Variants in ZNF383 observed in about 807,000 individuals in gnomAD.
ZNF383 encodes zinc finger protein 383.
ZNF383 carries 32 observed loss-of-function variants against 44.2 expected under a neutral mutation model. The observed-to-expected ratio is 0.72, with a 90% CI of 0.55 to 0.97. ZNF383 has a LOEUF of 0.97. ZNF383 is among the 50% of genes least tolerant of loss of function. The pLI, the probability that ZNF383 is intolerant of heterozygous loss-of-function variation, is 0.00. For missense variants in ZNF383, 487 were observed against 562.5 expected, an observed-to-expected ratio of 0.87 and a Z score of 1.36; for synonymous variants, 155 against 186.2, an observed-to-expected ratio of 0.83 and a Z score of 1.36.
intron 1 of ZNF383, among the ~76,000 whole-genome samples, chr19:37,221,780 T>TA (rs1319961134): frequency 9.5e-6 from 1 of 105,554 alleles, no homozygotes; most frequent in Non-Finnish European, 2.0e-5. Flanking sequence ...CCGTCTCTAC[T>TA]TAAAAAAAAA....
chr19:37,234,451 C>T (rs569744090), intron 3 of ZNF383, among the ~76,000 whole-genome samples: 3 of 152,234 alleles, frequency 2.0e-5, no homozygotes, highest in South Asian at 2.1e-4. Flanking sequence ...TGCAGTGGCG[C>T]GATCTCGGCT....
chr19:37,233,967 C>T (rs559242386), intron 3 of ZNF383, among the ~76,000 whole-genome samples: 12 of 152,034 alleles, frequency 7.9e-5, no homozygotes, highest in African/African-American at 2.7e-4. Flanking sequence ...CAGGTTCAAG[C>T]GATTCTCCTG....
At chr19:37,236,745 T>G (rs1973818921) in intron 5 of ZNF383, among the ~76,000 whole-genome samples, 1 of 151,968 alleles carries the variant, frequency 6.6e-6, no homozygotes, top group Non-Finnish European at 1.5e-5. Context: ...AATTTTTGTA[T>G]TTTTAGTAGA....
Position 37,243,152 on chromosome 19 carries a change from G to A in ZNF383, c.916G>A (p.Gly306Ser). ...TTTTCAGCATGCACGAATTCATACAGGTGAGAAACCCTATGAATGTAAGGA... is the reference window on the plus strand; with the variant it reads ...TTTTCAGCATGCACGAATTCATACAAGTGAGAAACCCTATGAATGTAAGGA... ...QLFQHARIHT[G>S]EKPYECKECG... Residue 306 changes from glycine (G) to serine (S), a missense_variant, in exon 6 of 6, where the codon GGT becomes AGT. Transcript: ENST00000684119. 2 of 1,614,166 alleles carry A rather than the reference G, an allele frequency of 1.2e-6. No homozygotes were observed. Among genetic ancestry groups the A allele is most frequent in the Non-Finnish European group, 1.7e-6 (2 of 1,180,026 alleles).
rs1974391610 is a variant in ZNF383, at chr19:37,246,882, A to G, written c.*3218A>G. 6.6e-6 allele frequency: 1 copy of G among 152,188 alleles called. No homozygotes were observed. The highest frequency in any genetic ancestry group is 6.5e-5 in the Admixed American group (1 of 15,274). 9.4% of individuals were successfully genotyped at this position (152,188 alleles called of 1,614,324 possible). A position where few individuals can be genotyped will look rare whatever the true frequency, so the allele number is the denominator to read the frequency against. On this transcript the variant is annotated 3_prime_UTR_variant, in exon 6 of 6. Transcript: ENST00000684119. ...GCTGTCAAAAAAGCAGGAAGAGATT[A>G]TAAAATTTTTTCTAATATTTCCCCC...
intron 3 of ZNF383, 88 bp from the exon 4 acceptor site, chr19:37,235,461 T>G (rs1599796433): frequency 1.5e-6 from 2 of 1,365,790 alleles, no homozygotes; most frequent in East Asian, 4.7e-5. Flanking sequence ...ATATAATGAC[T>G]CATTTTGTAT....
chr19:37,241,274 C>T (rs1367189063), intron 5 of ZNF383, among the ~76,000 whole-genome samples: 1 of 152,148 alleles, frequency 6.6e-6, no homozygotes, highest in Non-Finnish European at 1.5e-5. Context: ...TCTTGGGAGT[C>T]CCCCGGCTAC....
chr19:37,242,166 A>G (rs1168596968), intron 5 of ZNF383, among the ~76,000 whole-genome samples: 3 of 37,538 alleles, frequency 8.0e-5, no homozygotes, highest in Admixed American at 2.3e-4. Flanking sequence ...TCATGTTTTA[A>G]TATGGAAAAT....
Position 37,242,534 on chromosome 19 carries a change from T to C in ZNF383, c.298T>C (p.Cys100Arg). Residue 100 changes from cysteine (C) to arginine (R), a missense_variant, in exon 6 of 6, where the codon TGC becomes CGC. Coordinates refer to ENST00000684119, the MANE Select transcript of ZNF383 (RefSeq NM_001387601.1). ...GAAGGAAGTTTATGAAATAGAATTA[T>C]GCCAGAGGGAGATAATGGGACTTAC... Reference protein sequence around the residue: ...LKKEVYEIELCQREIMGLTKH... With the variant: ...LKKEVYEIELRQREIMGLTKH... 6.2e-7 allele frequency: 1 copy of C among 1,613,816 alleles called. No homozygotes were observed. The highest frequency in any genetic ancestry group is 8.5e-7 in the Non-Finnish European group (1 of 1,179,850).
intron 5 of ZNF383, among the ~76,000 whole-genome samples, chr19:37,238,037 AT>A (rs1973904585): frequency 6.6e-6 from 1 of 151,220 alleles, no homozygotes; most frequent in South Asian, 2.1e-4. Context: ...TAATTTTTCT[AT>A]TTTTTGTAGA....
chr19:37,230,056 G>A (rs929864005), intron 2 of ZNF383, among the ~76,000 whole-genome samples: 4 of 151,960 alleles, frequency 2.6e-5, no homozygotes, highest in African/African-American at 9.7e-5. Flanking sequence ...GGTCATGGTA[G>A]CTCAGTCTTG....
chr19:37,236,009 C>A lies in ZNF383; in HGVS notation c.167C>A (p.Ser56Tyr). 6.2e-7 allele frequency: 1 copy of A among 1,613,782 alleles called. No individual in the cohort carries two copies. The highest frequency in any genetic ancestry group is 2.2e-5 in the East Asian group (1 of 44,854). ...TACACTCCTAAGCCTCAAGTGATCT[C>A]CTTATTGGAACAAGGGAAAGAGCCC... ...GLYTPKPQVI[S>Y]LLEQGKEPWM... is the part of the protein sequence containing the mutation. Residue 56 changes from serine (S) to tyrosine (Y), a missense_variant, in exon 5 of 6, where the codon TCC (serine) becomes TAC (tyrosine). By Grantham distance (144) the Ser-to-Tyr change is moderately radical. Transcript: ENST00000684119.
intron 1 of ZNF383, among the ~76,000 whole-genome samples, chr19:37,222,836 T>C (rs1972990409): frequency 6.6e-6 from 1 of 152,224 alleles, no homozygotes; most frequent in Non-Finnish European, 1.5e-5. Flanking sequence ...GTGAAATTGC[T>C]GGGTCATGGT....
chr19:37,230,499 G>GT, intron 3 of ZNF383, 37 bp downstream of exon 3: 8 of 1,537,418 alleles, frequency 5.2e-6, no homozygotes, highest in East Asian at 2.3e-5. Flanking sequence ...CTGACATTTA[G>GT]TTTAAAAAAA....
Position 37,243,069 on chromosome 19 carries a change from G to T in ZNF383, c.833G>T (p.Gly278Val). ...NLIDHQRIHTGEKPYECKVCG... is the reference protein window; with the variant it reads ...NLIDHQRIHTVEKPYECKVCG... ...ATTGACCATCAGCGAATTCACACTG[G>T]TGAAAAACCTTATGAATGTAAAGTA... The change falls in exon 6 of 6, where the codon GGT becomes GTT. Residue 278 changes from glycine to valine, a missense_variant. Gly to Val is a moderately radical substitution (Grantham distance 109, BLOSUM62 -3). Transcript: ENST00000684119. 6.2e-7 allele frequency: 1 copy of T among 1,613,862 alleles called. No homozygotes were observed. The highest frequency in any genetic ancestry group is 8.5e-7 in the Non-Finnish European group (1 of 1,179,990).
In ZNF383 at chr19:37,246,769, T is replaced by G. The variant is rs1292111530; in HGVS notation, c.*3105T>G. ...GCACCACTGCACACTCCAGACTGGGTGACAGAGCGAGACTCTGTCTTACAA... is the reference window on the plus strand; with the variant it reads ...GCACCACTGCACACTCCAGACTGGGGGACAGAGCGAGACTCTGTCTTACAA... On this transcript the variant is annotated 3_prime_UTR_variant, in exon 6 of 6. Transcript: ENST00000684119. 1.3e-5 allele frequency: 2 copies of G among 152,082 alleles called. No individual in the cohort carries two copies. The highest frequency in any genetic ancestry group is 4.8e-5 in the African/African-American group (2 of 41,418). 9.4% of individuals were successfully genotyped at this position (152,082 alleles called of 1,614,324 possible).
chr19:37,243,736 G>A lies in ZNF383; in HGVS notation c.*72G>A, dbSNP rs952833958. 58 of 1,055,620 alleles carry A rather than the reference G, an allele frequency of 5.5e-5. No individual in the cohort carries two copies. Among genetic ancestry groups the A allele is most frequent in the Middle Eastern group, 2.8e-4 (1 of 3,592 alleles). The allele number at this position is 1,055,620 out of a possible 1,614,324, so 65.4% of individuals were successfully genotyped here. A position where few individuals can be genotyped will look rare whatever the true frequency, so the allele number is the denominator to read the frequency against. On this transcript the variant is annotated 3_prime_UTR_variant, in exon 6 of 6. Transcript: ENST00000684119. ...TCATGTCTAATAGTTACCCTCTTCC[G>A]TAGTTTTTTTTAAAACTTTGTATTT...
chr19:37,245,470 G>T lies in ZNF383; in HGVS notation c.*1806G>T, dbSNP rs1037947974. ...TTATCAATCCAGATATTAATTTTTTGTTTGTTTGTTTTTTTTTTTTTTTGA... is the reference window on the plus strand; with the variant it reads ...TTATCAATCCAGATATTAATTTTTTTTTTGTTTGTTTTTTTTTTTTTTTGA... On this transcript the variant is annotated 3_prime_UTR_variant, in exon 6 of 6. Transcript: ENST00000684119. 5.4e-5 allele frequency: 8 copies of T among 147,064 alleles called. No homozygotes were observed. The highest frequency in any genetic ancestry group is 5.4e-4 in the Admixed American group (8 of 14,904). 9.1% of individuals were successfully genotyped at this position (147,064 alleles called of 1,614,324 possible). A position where few individuals can be genotyped will look rare whatever the true frequency, so the allele number is the denominator to read the frequency against.
intron 2 of ZNF383, among the ~76,000 whole-genome samples, chr19:37,228,025 G>A (rs1172828033): frequency 6.6e-6 from 1 of 152,208 alleles, no homozygotes; most frequent in African/African-American, 2.4e-5. Flanking sequence ...GGGCGGGCCT[G>A]ACTAACGTCA....
Sources: allele counts gnomAD v4.1 joint callset (sites outside exome capture counted in the v4.1 genomes callset), GRCh38; gene constraint gnomAD v4.1.1; transcripts MANE v1.5; gene names NCBI Gene and HGNC (gene_info 2026-07-23, HGNC 2026-07-21).